PCDHA6: variants seen among roughly 807,000 people sequenced by gnomAD.
The protein encoded by PCDHA6 is protocadherin alpha 6.
A neutral mutation model predicts 60.3 loss-of-function variants in PCDHA6; 55 were observed. That is an observed-to-expected ratio of 0.91 (90% CI 0.73 to 1.14). PCDHA6 has a LOEUF of 1.14. Among genes scored for constraint, PCDHA6 ranks in the 50% most tolerant of loss-of-function variants. PCDHA6 has a pLI of 0.00. For synonymous variants in PCDHA6, 652 were observed against 557.9 expected, an observed-to-expected ratio of 1.17 and a Z score of -2.38; for missense variants, 1,327 against 1,256.5, an observed-to-expected ratio of 1.06 and a Z score of -0.85.
chr5:140,863,086 A>T, intron 1 of PCDHA6: 3 of 573,948 alleles, frequency 5.2e-6, no homozygotes, highest in South Asian at 4.1e-5. Flanking sequence ...GGGCGAGATC[A>T]GCACGACGAG....
chr5:140,998,220 C>G (rs1554256199), intron 3 of PCDHA6, among the ~76,000 whole-genome samples: 1 of 152,106 alleles, frequency 6.6e-6, no homozygotes, highest in African/African-American at 2.4e-5. Context: ...ATAACCACAC[C>G]CAGAAATTTG....
In PCDHA6 at chr5:140,848,329, A is replaced by T. The variant is rs2150408889; in HGVS notation, c.2394+17844A>T. 1.7e-5 allele frequency: 14 copies of T among 818,896 alleles called. 1 individual carries two copies. The highest frequency in any genetic ancestry group is 2.5e-5 in the Non-Finnish European group (13 of 512,110). The allele number at this position is 818,896 out of a possible 1,614,324, so 50.7% of individuals were successfully genotyped here. A position where few individuals can be genotyped will look rare whatever the true frequency, so the allele number is the denominator to read the frequency against. On this transcript the variant is annotated intron_variant, in intron 1 of 3. Transcript: ENST00000529310. The stretch of plus-strand genomic sequence containing the variant: ...ACTCTTTGCCGCGATGTTCTCTCTG[A>T]ATCCAGACAAATACAGCCCTTTTCC...
rs2098421039 is a variant in PCDHA6, at chr5:141,011,549, G to GA, written c.*1615dup. 1 of 153,674 alleles carries GA rather than the reference G, an allele frequency of 6.5e-6. No individual in the cohort carries two copies. The highest frequency in any genetic ancestry group is 1.5e-5 in the Non-Finnish European group (1 of 68,008). The allele number at this position is 153,674 out of a possible 1,614,324, so 9.5% of individuals were successfully genotyped here. A position where few individuals can be genotyped will look rare whatever the true frequency, so the allele number is the denominator to read the frequency against. Reference sequence around the variant, plus strand: ...CCATTGTTAATCAGCTTTTGTGTATGAAAGACACAGTAAAATTTCTTTCTT... The same window carrying GA: ...CCATTGTTAATCAGCTTTTGTGTATGAAAAGACACAGTAAAATTTCTTTCTT... On this transcript the variant is annotated 3_prime_UTR_variant, in exon 4 of 4. Coordinates refer to ENST00000529310, the MANE Select transcript of PCDHA6 (RefSeq NM_018909.4).
rs1398838770 is a variant in PCDHA6, at chr5:140,827,970, C to A, written c.-122C>A. 3 of 1,380,228 alleles carry A rather than the reference C, an allele frequency of 2.2e-6. No individual in the cohort carries two copies. Among genetic ancestry groups the A allele is most frequent in the Non-Finnish European group, 3.0e-6 (3 of 1,015,628 alleles). The allele number at this position is 1,380,228 out of a possible 1,614,324, so 85.5% of individuals were successfully genotyped here. A position where few individuals can be genotyped will look rare whatever the true frequency, so the allele number is the denominator to read the frequency against. On this transcript the variant is annotated 5_prime_UTR_variant, in exon 1 of 4. Coordinates refer to ENST00000529310, the MANE Select transcript of PCDHA6 (RefSeq NM_018909.4). ...ATTCAAATTTCTTCTATTACTGCAT[C>A]ATTCCCTGACTGTTGAATGATGGCG... is the stretch of plus-strand genomic sequence containing the variant.
chr5:140,993,460 TCTCACACACACA>T (rs2097560533), intron 3 of PCDHA6, among the ~76,000 whole-genome samples: 2 of 104,506 alleles, frequency 1.9e-5, no homozygotes, highest in South Asian at 3.7e-4. Context: ...CTTCTTTCTT[TCTCACACACACA>T]CACACACACA....
At chr5:140,992,517 G>C (rs78765218) in intron 3 of PCDHA6, among the ~76,000 whole-genome samples, 388 of 152,300 alleles carry the variant, frequency 2.5e-3, no homozygotes, top group African/African-American at 8.8e-3. Flanking sequence ...GGGCATGGTA[G>C]CTAATGGAAA....
intron 1 of PCDHA6, among the ~76,000 whole-genome samples, chr5:140,921,888 AAGG>A (rs1354196773): frequency 2.0e-5 from 3 of 152,090 alleles, no homozygotes; most frequent in African/African-American, 7.2e-5. Flanking sequence ...AGATTTTAGA[AAGG>A]AGGATAAATA....
chr5:140,837,513 T>A (rs1414175460), intron 1 of PCDHA6, among the ~76,000 whole-genome samples: 2 of 96,810 alleles, frequency 2.1e-5, no homozygotes, highest in Admixed American at 9.8e-5. Flanking sequence ...CTGAAGCAGT[T>A]TACTTTTTTT....
intron 1 of PCDHA6, chr5:140,966,857 C>A: frequency 6.3e-7 from 1 of 1,575,742 alleles, no homozygotes; most frequent in Non-Finnish European, 8.6e-7. Flanking sequence ...TCTCCTGCTG[C>A]TGTTGCTGCT....
intron 3 of PCDHA6, among the ~76,000 whole-genome samples, chr5:140,994,726 G>T (rs774837274): frequency 3.0e-4 from 45 of 151,958 alleles, no homozygotes; most frequent in Non-Finnish European, 3.7e-4. Flanking sequence ...TAAAATACTG[G>T]GTATTGCAGG....
intron 1 of PCDHA6, among the ~76,000 whole-genome samples, chr5:140,908,732 A>G (rs909800763): frequency 6.6e-6 from 1 of 152,200 alleles, no homozygotes; most frequent in African/African-American, 2.4e-5. Flanking sequence ...ATATGGCTCG[A>G]GAAACAGAGC....
intron 3 of PCDHA6, among the ~76,000 whole-genome samples, chr5:140,983,223 C>T (rs2153830857): frequency 6.6e-6 from 1 of 152,270 alleles, no homozygotes; most frequent in Admixed American, 6.5e-5. Context: ...CTAATCCAAA[C>T]TTTCAGGAAA....
At chr5:140,839,689 T>C (rs1776365065) in intron 1 of PCDHA6, among the ~76,000 whole-genome samples, 1 of 152,086 alleles carries the variant, frequency 6.6e-6, no homozygotes, top group East Asian at 1.9e-4. Context: ...GAGATTTTTT[T>C]GGGTAAATAA....
chr5:140,857,126 G>A, intron 1 of PCDHA6: 2 of 1,598,256 alleles, frequency 1.3e-6, no homozygotes, highest in Non-Finnish European at 1.7e-6. Flanking sequence ...CCCAGTGAAA[G>A]AAGATGCTCA....
In PCDHA6 at chr5:140,856,507, A is replaced by C. The variant is rs527808702; in HGVS notation, c.2394+26022A>C. 4.2e-5 allele frequency: 67 copies of C among 1,598,478 alleles called. 5 individuals carry two copies. In the South Asian group the frequency reaches 7.1e-4, roughly 17 times the overall value. Reference sequence around the variant, plus strand: ...GACTGCTTGACTCTCGATTTCCACTAGAAGGCGCATCTGATGCGGATGTTG... The same window carrying C: ...GACTGCTTGACTCTCGATTTCCACTCGAAGGCGCATCTGATGCGGATGTTG... On this transcript the variant is annotated intron_variant, in intron 1 of 3. Coordinates refer to ENST00000529310, the MANE Select transcript of PCDHA6 (RefSeq NM_018909.4).
rs113635864 is a variant in PCDHA6 at position 140,947,396 on chromosome 5, A to T, written c.2395-31553A>T. On this transcript the variant is annotated intron_variant, in intron 1 of 3. Coordinates refer to ENST00000529310, the MANE Select transcript of PCDHA6 (RefSeq NM_018909.4). ...ATATGTTTATCCTTTCACTAAAAGT[A>T]GACTGTCTTGATATTGTAGCTTTAT... Among the ~76,000 whole-genome samples the T allele has an allele frequency of 7.1e-3, 1,081 of 151,828 alleles. 11 individuals are homozygous for T. The highest frequency in any genetic ancestry group is 0.025 in the African/African-American group (1,045 of 41,538).
chr5:140,936,714 C>G (rs2091106727), intron 1 of PCDHA6, among the ~76,000 whole-genome samples: 1 of 152,198 alleles, frequency 6.6e-6, no homozygotes, highest in African/African-American at 2.4e-5. Context: ...TGTGCCAATA[C>G]ATTCTGTGTT....
rs77940063 is a variant in PCDHA6, at chr5:140,966,638, T to G, written c.2395-12311T>G. Reference sequence around the variant, plus strand: ...ACGGAGGGAGCGGCCCCAGGCGCTTTCTAGAGCGTGAGCGGTGGGGGAGCA... The same window carrying G: ...ACGGAGGGAGCGGCCCCAGGCGCTTGCTAGAGCGTGAGCGGTGGGGGAGCA... On this transcript the variant is annotated intron_variant, in intron 1 of 3. Transcript: ENST00000529310. The G allele has an allele frequency of 3.9e-3, 4,251 of 1,090,104 alleles. 104 individuals carry two copies. The African/African-American group carries it at 0.057, about 15-fold the overall frequency. 67.5% of individuals were successfully genotyped at this position (1,090,104 alleles called of 1,614,324 possible).
chr5:140,873,621 T>C (rs1282269984), intron 1 of PCDHA6, among the ~76,000 whole-genome samples: 2 of 152,186 alleles, frequency 1.3e-5, no homozygotes, highest in African/African-American at 4.8e-5. Flanking sequence ...TAACAATTTG[T>C]TTAGGTCAAA....
Sources: allele counts gnomAD v4.1 joint callset (sites outside exome capture counted in the v4.1 genomes callset), GRCh38; gene constraint gnomAD v4.1.1; transcripts MANE v1.5; gene names NCBI Gene and HGNC (gene_info 2026-07-23, HGNC 2026-07-21).